TENM4: variants seen among roughly 807,000 people sequenced by gnomAD.
The protein encoded by TENM4 is teneurin transmembrane protein 4.
A neutral mutation model predicts 243.3 loss-of-function variants in TENM4; 82 were observed. That is an observed-to-expected ratio of 0.34 (90% CI 0.28 to 0.40). TENM4 has a LOEUF of 0.40. Ranked by LOEUF, TENM4 falls within the 10% of genes least tolerant of loss-of-function variation. The pLI is 1.00. For synonymous variants in TENM4, 1,412 were observed against 1,456.3 expected, an observed-to-expected ratio of 0.97 and a Z score of 0.69; for missense variants, 3,138 against 3,673.3, an observed-to-expected ratio of 0.85 and a Z score of 3.77.
intron 1 of TENM4, among the ~76,000 whole-genome samples, chr11:79,342,980 C>A (rs1178163947): frequency 6.6e-6 from 1 of 152,254 alleles, no homozygotes; most frequent in Non-Finnish European, 1.5e-5. Flanking sequence ...CCACCACATT[C>A]ATTTTTCTGT....
chr11:78,852,307 T>C (rs1027604657), intron 12 of TENM4, among the ~76,000 whole-genome samples: 2 of 152,190 alleles, frequency 1.3e-5, no homozygotes, highest in Admixed American at 6.5e-5. Flanking sequence ...CTGTATTTAA[T>C]GGGAAGATAC....
chr11:79,069,665 C>A, intron 5 of TENM4, 57 bp downstream of exon 5: 2 of 1,503,462 alleles, frequency 1.3e-6, no homozygotes, highest in Non-Finnish European at 8.9e-7. Context: ...CGAGCCCATG[C>A]CTACCTGAGC....
Position 78,903,410 on chromosome 11 carries a change from C to T in TENM4, c.607G>A (p.Gly203Ser). The T allele has an allele frequency of 3.2e-6, 5 of 1,539,618 alleles. No individual in the cohort carries two copies. The highest frequency in any genetic ancestry group is 4.4e-6 in the Non-Finnish European group (5 of 1,140,924). Residue 203 changes from glycine to serine, a missense_variant, in exon 7 of 34, where the codon GGC becomes AGC. Gly to Ser is a moderately conservative substitution (Grantham distance 56, BLOSUM62 0). Transcript: ENST00000278550. ...HAASINSLNR[G>S]NFTPRSNPSP... ...GGGTTGCTCCTCGGCGTGAAGTTGC[C>T]CCGGTTCAGGGAGTTAATGGAGGCC...
rs1361162179 is a variant in TENM4, at chr11:79,019,336, AC to A, written c.493+45401del. Among the ~76,000 whole-genome samples, 10 of 152,206 alleles carry A rather than the reference AC, an allele frequency of 6.6e-5. No individual in the cohort carries two copies. The East Asian group carries it at 7.7e-4, about 12-fold the overall frequency. On this transcript the variant is annotated intron_variant, in intron 6 of 33. Coordinates refer to ENST00000278550, the MANE Select transcript of TENM4 (RefSeq NM_001098816.3). ...CATCCCACTAGACCTTCATTCTCTT[AC>A]TTCTTTGGGAATGGGGGAAGGAAAA... is the stretch of plus-strand genomic sequence containing the variant.
chr11:78,903,702 T>TC, intron 6 of TENM4, 179 bp from the exon 7 acceptor site: 5 of 1,041,994 alleles, frequency 4.8e-6, no homozygotes, highest in Non-Finnish European at 7.1e-6. Context: ...TTCTAGGTGC[T>TC]AGGGATACCT....
chr11:79,272,427 T>C (rs1399763120), intron 2 of TENM4, among the ~76,000 whole-genome samples: 1 of 152,246 alleles, frequency 6.6e-6, no homozygotes, highest in Non-Finnish European at 1.5e-5. Context: ...TAAAATATTA[T>C]AATGTTGCTA....
intron 6 of TENM4, among the ~76,000 whole-genome samples, chr11:78,969,793 C>T (rs1857504520): frequency 6.6e-6 from 1 of 152,112 alleles, no homozygotes; most frequent in Admixed American, 6.5e-5. Context: ...TTCCTAATAA[C>T]CTTTTAACTG....
chr11:79,425,015 C>G (rs977561712), intron 1 of TENM4, among the ~76,000 whole-genome samples: 2 of 152,178 alleles, frequency 1.3e-5, no homozygotes, highest in Admixed American at 6.5e-5. Context: ...AAACTTAGGT[C>G]AGTCTGACTC....
chr11:78,854,643 C>T lies in TENM4; in HGVS notation c.1471-329G>A, dbSNP rs11237638. On this transcript the variant is annotated intron_variant, in intron 11 of 33. Coordinates refer to ENST00000278550, the MANE Select transcript of TENM4 (RefSeq NM_001098816.3). ...GGACAACCATGCTTTTTTGCAATGC[C>T]GGGTGTGTGGTTAGAAACACAGCCA... 5.4e-3 allele frequency among the ~76,000 whole-genome samples: 825 copies of T among 151,714 alleles called. 7 individuals carry two copies. Among genetic ancestry groups the T allele is most frequent in the African/African-American group, 0.019 (776 of 41,406 alleles).
At chr11:78,702,843 A>T (rs1282133957) in intron 27 of TENM4, among the ~76,000 whole-genome samples, 1 of 152,196 alleles carries the variant, frequency 6.6e-6, no homozygotes, top group East Asian at 1.9e-4. Context: ...CTGATGTTCT[A>T]AGATGGGAGG....
intron 4 of TENM4, among the ~76,000 whole-genome samples, chr11:79,123,599 C>CTTTTT (rs35553883): frequency 5.6e-5 from 8 of 143,748 alleles, no homozygotes; most frequent in Admixed American, 6.9e-5. Context: ...GCAGTAGCCC[C>CTTTTT]TTTTTTTTTT....
chr11:78,986,285 T>C (rs1183653403), intron 6 of TENM4, among the ~76,000 whole-genome samples: 1 of 152,200 alleles, frequency 6.6e-6, no homozygotes, highest in African/African-American at 2.4e-5. Context: ...AGAAAATGGA[T>C]ATTAATCAAA....
At chr11:78,892,578 G>T (rs1386862676) in intron 7 of TENM4, among the ~76,000 whole-genome samples, 3 of 152,150 alleles carry the variant, frequency 2.0e-5, no homozygotes, top group African/African-American at 4.8e-5. Context: ...TTGTTATATG[G>T]ATCGGCTGAG....
chr11:79,166,371 C>G (rs1862913871), intron 3 of TENM4, among the ~76,000 whole-genome samples: 1 of 152,178 alleles, frequency 6.6e-6, no homozygotes, highest in Non-Finnish European at 1.5e-5. Flanking sequence ...CAAATTCAGC[C>G]ATCATTTCCC....
intron 27 of TENM4, among the ~76,000 whole-genome samples, chr11:78,704,018 C>T (rs1287099028): frequency 1.6e-4 from 22 of 134,260 alleles, no homozygotes; most frequent in Admixed American, 1.6e-3. Context: ...CACACACACA[C>T]ACACACATAT....
chr11:78,906,591 A>C (rs1234197208), intron 6 of TENM4, among the ~76,000 whole-genome samples: 3 of 152,194 alleles, frequency 2.0e-5, no homozygotes, highest in Admixed American at 2.0e-4. Context: ...TCCTATGGGG[A>C]CAAGGAATGT....
intron 33 of TENM4, 49 bp from the exon 34 acceptor site, chr11:78,658,865 C>T (rs1310654090): frequency 5.1e-6 from 8 of 1,558,022 alleles, no homozygotes; most frequent in Non-Finnish European, 7.0e-6. Context: ...GGGGAAAAAA[C>T]CCTGAGAACC....
rs890440852 is a variant in TENM4, at chr11:79,195,101, G to T, written c.-163+20707C>A. 7.9e-5 allele frequency among the ~76,000 whole-genome samples: 12 copies of T among 152,256 alleles called. 1 individual carries two copies. The highest frequency in any genetic ancestry group is 7.2e-4 in the Admixed American group (11 of 15,286). ...CCCAAGCCTTGGCAGCCTCCACATG[G>T]TGTTGAGCCTGTGGGTACACAGAGT... On this transcript the variant is annotated intron_variant, in intron 3 of 33. Transcript: ENST00000278550.
chr11:79,105,456 C>A (rs1017665322), intron 4 of TENM4, among the ~76,000 whole-genome samples: 1 of 152,270 alleles, frequency 6.6e-6, no homozygotes, highest in Non-Finnish European at 1.5e-5. Context: ...TCTGCCCTGC[C>A]TGCCTTCATT....
Sources: gnomAD v4.1 joint callset for allele counts (sites outside exome capture counted in the v4.1 genomes callset) on GRCh38, gnomAD v4.1.1 for gene constraint, MANE v1.5 for transcripts, NCBI Gene and HGNC (gene_info 2026-07-23, HGNC 2026-07-21) for gene names.